Variants in COL6A1 observed in about 807,000 individuals in gnomAD.
COL6A1 encodes the protein collagen alpha-1(VI) chain.
COL6A1 carries 80 observed loss-of-function variants against 145.6 expected under a neutral mutation model. The observed-to-expected ratio is 0.55, with a 90% CI of 0.46 to 0.66. The LOEUF is 0.66. COL6A1 is among the 30% of genes least tolerant of loss of function. The pLI, the probability that COL6A1 is intolerant of heterozygous loss-of-function variation, is 0.00. For synonymous variants in COL6A1, 638 were observed against 622.8 expected (o/e 1.02, Z -0.36); for missense variants, 1,364 against 1,473.8 (o/e 0.93, Z 1.22).
Position 45,989,151 on chromosome 21 carries a change from T to C in COL6A1, c.858+14T>C. ...GCCGGAGATCCTGTGAGTGCCTGAC[T>C]GTGGGGTGGGGGCCCTAAGAAGCTG... On this transcript the variant is annotated intron_variant, in intron 9 of 34. Coordinates refer to ENST00000361866, the MANE Select transcript of COL6A1 (RefSeq NM_001848.3). 1 of 1,590,882 alleles carries C rather than the reference T, an allele frequency of 6.3e-7. No homozygotes were observed. The highest frequency in any genetic ancestry group is 8.5e-7 in the Non-Finnish European group (1 of 1,171,026).
intron 15 of COL6A1, 80 bp from the exon 16 acceptor site, chr21:45,991,930 G>T: frequency 1.4e-6 from 2 of 1,393,540 alleles, no homozygotes; most frequent in Admixed American, 2.0e-5. Flanking sequence ...ATGGGTGAGA[G>T]GCCCTGGATG....
intron 2 of COL6A1, 56 bp downstream of exon 2, chr21:45,982,819 G>A: frequency 3.7e-6 from 6 of 1,601,180 alleles, no homozygotes; most frequent in East Asian, 2.2e-5. Context: ...TTGGAGGGAG[G>A]GGTGGGGGCC....
At position 46,002,323 on chromosome 21, in the gene COL6A1, C is replaced by T; in HGVS notation, c.2172C>T (p.Ala724=). The change falls in exon 32 of 35, where the codon GCC becomes GCT. Residue 724 remains alanine (A), a synonymous_variant. Transcript: ENST00000361866. The part of the protein sequence containing the change: ...LLPPSPNNRI[A]LVITDGRSDT... ...CGCCCAGCCCGAACAACCGCATCGC[C>T]CTGGTCATCACTGACGGGCGCTCAG... is the stretch of plus-strand genomic sequence containing the variant. The T allele has an allele frequency of 1.9e-6, 3 of 1,593,338 alleles. No homozygotes were observed. The highest frequency in any genetic ancestry group is 2.3e-5 in the East Asian group (1 of 43,924).
intron 20 of COL6A1, among the ~76,000 whole-genome samples, chr21:45,995,448 C>G (rs2077799593): frequency 6.6e-6 from 1 of 152,196 alleles, no homozygotes; most frequent in African/African-American, 2.4e-5. Flanking sequence ...GGGCCACGTT[C>G]CAGGCTTGGG....
In COL6A1 at chr21:45,992,736, C is replaced by G. The variant is rs761629699; in HGVS notation, c.1273-12C>G. The G allele has an allele frequency of 1.1e-5, 17 of 1,582,586 alleles. No individual in the cohort carries two copies. In the Admixed American group the frequency reaches 2.7e-4, roughly 25 times the overall value. ...CAGCTGAGGCTTCTCCCCTCCATGT[C>G]TCTCCACTCAGGGTGGCCCTGGAGA... On this transcript the variant is annotated splice_polypyrimidine_tract_variant and intron_variant, in intron 18 of 34. Transcript: ENST00000361866.
intron 27 of COL6A1, among the ~76,000 whole-genome samples, chr21:45,999,917 G>GAGGGCATGTGAGGATCAT (rs2077830120): frequency 7.8e-6 from 1 of 128,732 alleles, no homozygotes; most frequent in Non-Finnish European, 1.8e-5. Context: ...GAGGATCATG[G>GAGGGCATGTGAGGATCAT]GGGACATGTG....
rs370271954 is a variant in COL6A1 at position 45,989,791 on chromosome 21, C to T, written c.930+13C>T. The T allele has an allele frequency of 2.3e-5, 37 of 1,612,706 alleles. No individual in the cohort carries two copies. The highest frequency in any genetic ancestry group is 5.0e-5 in the Admixed American group (3 of 60,004). On this transcript the variant is annotated intron_variant, in intron 11 of 34. Coordinates refer to ENST00000361866, the MANE Select transcript of COL6A1 (RefSeq NM_001848.3). The stretch of plus-strand genomic sequence containing the variant: ...CCGTGGGGAGAAGGTGAGTGAGGCT[C>T]GACCTCGGAGCTGGTCTCTCCAGGC...
chr21:45,999,046 T>C lies in COL6A1; in HGVS notation c.1674+87T>C, dbSNP rs935429368. 1.9e-6 allele frequency: 3 copies of C among 1,544,406 alleles called. No individual in the cohort carries two copies. In the African/African-American group the frequency reaches 4.1e-5, roughly 21 times the overall value. On this transcript the variant is annotated intron_variant, in intron 25 of 34. Coordinates refer to ENST00000361866, the MANE Select transcript of COL6A1 (RefSeq NM_001848.3). ...TGAAGGGCAGTGGACCAGGACCCGCTTGGGGAGGCCTCATGGGCCCCGGCT... is the reference window on the plus strand; with the variant it reads ...TGAAGGGCAGTGGACCAGGACCCGCCTGGGGAGGCCTCATGGGCCCCGGCT...
chr21:45,989,296 A>G (rs1180934486), intron 9 of COL6A1, among the ~76,000 whole-genome samples, 159 bp downstream of exon 9: 3 of 152,212 alleles, frequency 2.0e-5, no homozygotes, highest in African/African-American at 7.2e-5. Flanking sequence ...CAGCCCAGCC[A>G]TCCTTCCACA....
chr21:45,996,281 T>G (rs1461670270), intron 20 of COL6A1, among the ~76,000 whole-genome samples: 1 of 152,146 alleles, frequency 6.6e-6, no homozygotes, highest in Non-Finnish European at 1.5e-5. Context: ...AACCCCAAGT[T>G]TGGTGAGCTT....
At position 45,997,741 on chromosome 21, in the gene COL6A1, C is replaced by G; in HGVS notation, c.1503C>G (p.Asp501Glu). ...GAPGPAGPPG[D>E]PGLMGERGED... ...CAGGACCTGCCGGACCCCCTGGAGA[C>G]CCGGGGCTGATGGGTGAAAGGGTGA... Residue 501 changes from aspartate to glutamate, a missense_variant, in exon 22 of 35, where the codon GAC becomes GAG. By Grantham distance (45) the Asp-to-Glu change is conservative (BLOSUM62 2). Transcript: ENST00000361866. 1.3e-5 allele frequency: 20 copies of G among 1,595,620 alleles called. No individual in the cohort carries two copies. Among genetic ancestry groups the G allele is most frequent in the Admixed American group, 1.7e-5 (1 of 57,896 alleles).
chr21:46,004,420 C>A lies in COL6A1; in HGVS notation c.*407C>A. 2.9e-6 allele frequency: 1 copy of A among 350,056 alleles called. No homozygotes were observed. Among genetic ancestry groups the A allele is most frequent in the Non-Finnish European group, 5.5e-6 (1 of 181,860 alleles). The allele number at this position is 350,056 out of a possible 1,614,324, so 21.7% of individuals were successfully genotyped here. On this transcript the variant is annotated 3_prime_UTR_variant, in exon 35 of 35. Coordinates refer to ENST00000361866, the MANE Select transcript of COL6A1 (RefSeq NM_001848.3). ...GCCTGCGCAGCTCCTTCCCTAGGCA[C>A]CTCTGTGCTGCATCCCACCAGCCTG...
At position 45,986,979 on chromosome 21, in the gene COL6A1, G is replaced by A. The variant is rs573282005; in HGVS notation, c.624G>A (p.Thr208=). Residue 208 remains threonine, a synonymous_variant, in exon 5 of 35, where the codon ACG becomes ACA. Transcript: ENST00000361866. ...PRLSIIATDH[T]YRRNFTAADW... Reference sequence around the variant, plus strand: ...TGAGCATCATCGCCACGGACCACACGTACCGGCGCAACTTCACGGCGGCTG... The same window carrying A: ...TGAGCATCATCGCCACGGACCACACATACCGGCGCAACTTCACGGCGGCTG... 62 of 1,552,468 alleles carry A rather than the reference G, an allele frequency of 4.0e-5. No individual in the cohort carries two copies. Among genetic ancestry groups the A allele is most frequent in the African/African-American group, 3.3e-4 (24 of 73,496 alleles).
At chr21:45,995,151 G>C (rs2077797806) in intron 20 of COL6A1, among the ~76,000 whole-genome samples, 1 of 152,256 alleles carries the variant, frequency 6.6e-6, no homozygotes, top group Non-Finnish European at 1.5e-5. Context: ...AAAAATACCT[G>C]TGTCATAGAT....
chr21:45,991,016 G>A lies in COL6A1; in HGVS notation c.1094G>A (p.Gly365Asp), dbSNP rs2077773907. ...QGPPGPKGDPGAFGLKGEKGE... is the reference protein window; with the variant it reads ...QGPPGPKGDPDAFGLKGEKGE... Reference sequence around the variant, plus strand: ...CCCCCTGGCCCCAAGGGAGACCCCGGTGCCTTTGGACTGAAAGGAGAAAAG... The same window carrying A: ...CCCCCTGGCCCCAAGGGAGACCCCGATGCCTTTGGACTGAAAGGAGAAAAG... Residue 365 changes from glycine (G) to aspartate (D), a missense_variant, in exon 15 of 35, where the codon GGT (glycine) becomes GAT (aspartate). Physicochemically the swap from Gly to Asp is moderately conservative, Grantham distance 94. Around this residue, in one of 3 missense-constraint regions of COL6A1, gnomAD observed 938 missense variants for 1,003.8 expected, o/e 0.93. Transcript: ENST00000361866. 6.2e-7 allele frequency: 1 copy of A among 1,613,288 alleles called. No individual in the cohort carries two copies. The highest frequency in any genetic ancestry group is 1.3e-5 in the African/African-American group (1 of 74,918).
rs989080913 is a variant in COL6A1 at position 46,004,754 on chromosome 21, G to A, written c.*741G>A. ...CCAGCACTGACCCCGACCTCAGAGAGTACTCGCAGGGGCGCTGGCTGCACT... is the reference window on the plus strand; with the variant it reads ...CCAGCACTGACCCCGACCTCAGAGAATACTCGCAGGGGCGCTGGCTGCACT... On this transcript the variant is annotated 3_prime_UTR_variant, in exon 35 of 35. Transcript: ENST00000361866. 1.1e-5 allele frequency: 5 copies of A among 436,604 alleles called. No homozygotes were observed. The highest frequency in any genetic ancestry group is 1.0e-4 in the African/African-American group (5 of 49,432). The allele number at this position is 436,604 out of a possible 1,614,324, so 27.0% of individuals were successfully genotyped here.
chr21:45,989,685 G>C (rs777423876), intron 10 of COL6A1, 33 bp downstream of exon 10: 1 of 1,613,168 alleles, frequency 6.2e-7, no homozygotes, highest in African/African-American at 1.3e-5. Context: ...CCCGAGCCCG[G>C]TGGTGCCCTC....
At chr21:45,985,381 GAGAC>G (rs35863214) in intron 3 of COL6A1, among the ~76,000 whole-genome samples, 23,950 of 151,792 alleles carry the variant, frequency 0.16, 2,968 homozygotes, top group African/African-American at 0.34. Flanking sequence ...AGCACAGACA[GAGAC>G]AGACAGAGAG....
rs552556163 is a variant in COL6A1 at position 45,990,098 on chromosome 21, C to T, written c.931-160C>T. On this transcript the variant is annotated intron_variant, in intron 11 of 34. Coordinates refer to ENST00000361866, the MANE Select transcript of COL6A1 (RefSeq NM_001848.3). ...CCCCGGGCGGTTACCCTCTGCAGAG[C>T]GGCCCCTCCCCATCACTGTCAGTCC... Among the ~76,000 whole-genome samples the T allele has an allele frequency of 4.8e-4, 73 of 151,370 alleles. 3 individuals carry two copies. The South Asian group carries it at 9.6e-3, about 20-fold the overall frequency.
Sources: gnomAD v4.1 joint callset for allele counts (sites outside exome capture counted in the v4.1 genomes callset) on GRCh38, gnomAD v4.1.1 for gene constraint, gnomAD v4.1.1 regional missense constraint, MANE v1.5 for transcripts, NCBI Gene and HGNC (gene_info 2026-07-23, HGNC 2026-07-21) for gene names.